CPLANE1: variants seen among roughly 807,000 people sequenced by gnomAD.
CPLANE1 encodes the protein ciliogenesis and planar polarity effector complex subunit 1.
A neutral mutation model predicts 362.5 loss-of-function variants in CPLANE1; 263 were observed. The ratio of observed to expected loss-of-function variants is 0.73; its 90% CI spans 0.66 to 0.80. CPLANE1 has a LOEUF of 0.80. Among genes scored for constraint, CPLANE1 ranks in the 30% least tolerant of loss-of-function variants. CPLANE1 has a pLI of 0.00. For missense variants in CPLANE1, 3,461 were observed against 3,793.4 expected (o/e 0.91, Z 2.30); for synonymous variants, 1,212 against 1,302.6 (o/e 0.93, Z 1.50).
intron 47 of CPLANE1, chr5:37,124,965 C>T (rs1332609740): frequency 1.3e-5 from 15 of 1,162,508 alleles, no homozygotes; most frequent in Non-Finnish European, 1.6e-5. Context: ...ATTGGTCACC[C>T]AATCACTCAA....
the CPLANE1 span, among the ~76,000 whole-genome samples, chr5:37,080,034 C>T: frequency 1.3e-5 from 2 of 152,156 alleles, no homozygotes; most frequent in African/African-American, 2.4e-5. Flanking sequence ...GGCAGATCTT[C>T]GTGTCTTGAA....
intron 30 of CPLANE1, among the ~76,000 whole-genome samples, chr5:37,177,409 A>G (rs1781472449): frequency 6.6e-6 from 1 of 152,230 alleles, no homozygotes; most frequent in South Asian, 2.1e-4. Context: ...AACAAAAGGC[A>G]TTTTAGATAT....
chr5:37,141,504 A>G (rs1769705817), intron 44 of CPLANE1: 2 of 984,010 alleles, frequency 2.0e-6, no homozygotes, highest in Middle Eastern at 5.2e-4. Context: ...GAAAGAACTG[A>G]GAAAATAATT....
At chr5:37,163,962 G>A (rs1161741282) in intron 37 of CPLANE1, among the ~76,000 whole-genome samples, 1 of 152,206 alleles carries the variant, frequency 6.6e-6, no homozygotes, top group Admixed American at 6.5e-5. Flanking sequence ...GAGATTCCAG[G>A]TTGGTGAATA....
At chr5:37,086,555 TA>T in the CPLANE1 span, among the ~76,000 whole-genome samples, 1 of 152,258 alleles carries the variant, frequency 6.6e-6, no homozygotes, top group Non-Finnish European at 1.5e-5. Context: ...GTAGTTTATC[TA>T]AATAGCTTGT....
At position 37,224,540 on chromosome 5, in the gene CPLANE1, G is replaced by C. The variant is rs1356314101; in HGVS notation, c.2492C>G (p.Ser831Cys). Reference protein sequence around the residue: ...DCLNQTLELKSINGEECFLLG... With the variant: ...DCLNQTLELKCINGEECFLLG... ...ATTCATAAGATACTGACCATTGATA[G>C]ATTTAAGTTCTAAGGTTTGATTCAA... is the stretch of plus-strand genomic sequence containing the variant. The change falls in exon 13 of 53, where the codon TCT (serine) becomes TGT (cysteine). Residue 831 changes from serine (S) to cysteine (C), a missense_variant. By Grantham distance (112) the Ser-to-Cys change is moderately radical. Around this residue, in one of 2 missense-constraint regions of CPLANE1, gnomAD observed 3,380 missense variants for 3,666.1 expected, o/e 0.92. Transcript: ENST00000651892. 1.3e-6 allele frequency: 2 copies of C among 1,546,654 alleles called. No homozygotes were observed. The highest frequency in any genetic ancestry group is 1.7e-4 in the Middle Eastern group (1 of 5,974).
chr5:37,211,542 T>A, intron 16 of CPLANE1: 1 of 1,250,418 alleles, frequency 8.0e-7, no homozygotes, highest in African/African-American at 1.5e-5. Flanking sequence ...CTCAAGGCTA[T>A]GCGGGGGCAC....
intron 50 of CPLANE1, among the ~76,000 whole-genome samples, chr5:37,116,901 TC>T (rs1216522135): frequency 6.6e-6 from 1 of 152,118 alleles, no homozygotes; most frequent in Non-Finnish European, 1.5e-5. Flanking sequence ...CCCTCCATTC[TC>T]CCAAACACTG....
chr5:37,080,909 A>T, the CPLANE1 span, among the ~76,000 whole-genome samples: 1 of 152,234 alleles, frequency 6.6e-6, no homozygotes, highest in Non-Finnish European at 1.5e-5. Flanking sequence ...CGCACTTACC[A>T]CATATTCAAG....
intron 21 of CPLANE1, among the ~76,000 whole-genome samples, chr5:37,188,881 G>C (rs764062348): frequency 1.3e-5 from 2 of 151,642 alleles, no homozygotes; most frequent in Non-Finnish European, 2.9e-5. Flanking sequence ...TTTTTGAGAC[G>C]GAGTCTTGCT....
At chr5:37,196,407 A>G (rs1406066561) in intron 20 of CPLANE1, among the ~76,000 whole-genome samples, 1 of 152,178 alleles carries the variant, frequency 6.6e-6, no homozygotes, top group Non-Finnish European at 1.5e-5. Context: ...TAATCTATAA[A>G]TGGCAGAATT....
rs35522666 is a variant in CPLANE1, at chr5:37,154,459, C to CTTTTTTTTTTTTTTT, written c.8120-481_8120-467dup. 9.9e-3 allele frequency among the ~76,000 whole-genome samples: 840 copies of CTTTTTTTTTTTTTTT among 84,542 alleles called. 129 individuals are homozygous for CTTTTTTTTTTTTTTT. The highest frequency in any genetic ancestry group is 0.029 in the African/African-American group (511 of 17,620). 55.5% of individuals were successfully genotyped at this position (84,542 alleles called of 152,430 possible). On this transcript the variant is annotated intron_variant, in intron 41 of 52. Transcript: ENST00000651892. ...TTCTTCTCCCAAATTTGCAATAGTTCTTTTTTTTTTTTTTTTTTTTTTTTA... is the reference window on the plus strand; with the variant it reads ...TTCTTCTCCCAAATTTGCAATAGTTCTTTTTTTTTTTTTTTTTTTTTTTTTTTTTTTTTTTTTTTA...
intron 46 of CPLANE1, among the ~76,000 whole-genome samples, chr5:37,129,529 C>T (rs1381406652): frequency 6.6e-6 from 1 of 151,878 alleles, no homozygotes; most frequent in Non-Finnish European, 1.5e-5. Flanking sequence ...CCAGAATATA[C>T]AAGGAACTCA....
chr5:37,184,879 CTG>C lies in CPLANE1; in HGVS notation c.4388_4389del (p.Thr1463ArgfsTer10), dbSNP rs1463762359. 2 of 1,614,128 alleles carry C rather than the reference CTG, an allele frequency of 1.2e-6. No homozygotes were observed. The highest frequency in any genetic ancestry group is 8.5e-7 in the Non-Finnish European group (1 of 1,179,970). ...CTGTGAACCACAGAATCTCCTAGTT[CTG>C]TGAGTGTACTTCTGCTCAAACTAGT... ...LGTSLSRSTL[T>X]ELGDSVVHSD... On this transcript the variant is annotated frameshift_variant, in exon 25 of 53. Coordinates refer to ENST00000651892, the MANE Select transcript of CPLANE1 (RefSeq NM_001384732.1).
chr5:37,172,717 G>T (rs1023653159), intron 32 of CPLANE1, among the ~76,000 whole-genome samples: 1 of 152,206 alleles, frequency 6.6e-6, no homozygotes, highest in African/African-American at 2.4e-5. Flanking sequence ...TGGGCACAGC[G>T]GCTCACGCCT....
intron 34 of CPLANE1, among the ~76,000 whole-genome samples, chr5:37,168,348 T>C (rs539877323): frequency 6.6e-6 from 1 of 152,334 alleles, no homozygotes; most frequent in East Asian, 1.9e-4. Context: ...AACAAGAGCA[T>C]CTGGTAATTT....
At chr5:37,149,599 T>A (rs1772893177) in intron 42 of CPLANE1, among the ~76,000 whole-genome samples, 1 of 152,214 alleles carries the variant, frequency 6.6e-6, no homozygotes, top group Admixed American at 6.5e-5. Context: ...ATGATAAAGC[T>A]TAATTTATCA....
At position 37,244,592 on chromosome 5, in the gene CPLANE1, A is replaced by G; in HGVS notation, c.353T>C (p.Leu118Pro). Residue 118 changes from leucine (L) to proline (P), a missense_variant, in exon 5 of 53, where the codon CTG (leucine) becomes CCG (proline). By Grantham distance (98) the Leu-to-Pro change is moderately conservative. Transcript: ENST00000651892. Reference sequence around the variant, plus strand: ...CCCATTTCCAGATACATACAAGTACAGTCTCAAAGAGCTTGCTAAAAAAGT... The same window carrying G: ...CCCATTTCCAGATACATACAAGTACGGTCTCAAAGAGCTTGCTAAAAAAGT... ...IKATVASSLR[L>P]YLYVSGNGKR... 6.5e-7 allele frequency: 1 copy of G among 1,536,042 alleles called. No individual in the cohort carries two copies. The highest frequency in any genetic ancestry group is 1.4e-5 in the African/African-American group (1 of 72,192).
intron 15 of CPLANE1, among the ~76,000 whole-genome samples, chr5:37,219,604 T>C (rs2150340620): frequency 6.6e-6 from 1 of 152,278 alleles, no homozygotes; most frequent in East Asian, 1.9e-4. Flanking sequence ...CCCAGCAGAC[T>C]CATTTCTCGG....
Sources: gnomAD v4.1 joint callset for allele counts (sites outside exome capture counted in the v4.1 genomes callset) on GRCh38, gnomAD v4.1.1 for gene constraint, gnomAD v4.1.1 regional missense constraint, MANE v1.5 for transcripts, NCBI Gene and HGNC (gene_info 2026-07-23, HGNC 2026-07-21) for gene names.